ROR1: variants seen among roughly 807,000 people sequenced by gnomAD.
ROR1 encodes the protein ROR family WNT receptor 1.
ROR1 carries 19 observed loss-of-function variants against 78.8 expected under a neutral mutation model. The ratio of observed to expected loss-of-function variants is 0.24; its 90% CI spans 0.17 to 0.35. ROR1 has a LOEUF of 0.35. Ranked by LOEUF, ROR1 falls within the 10% of genes least tolerant of loss-of-function variation. The pLI, the probability that ROR1 is intolerant of heterozygous loss-of-function variation, is 1.00. For synonymous variants in ROR1, 386 were observed against 433.6 expected (o/e 0.89, Z 1.36); for missense variants, 917 against 1,177.8 (o/e 0.78, Z 3.24).
chr1:64,042,541 TC>T (rs1223173744), intron 2 of ROR1, among the ~76,000 whole-genome samples: 1 of 152,146 alleles, frequency 6.6e-6, no homozygotes, highest in Non-Finnish European at 1.5e-5. Flanking sequence ...AGAACTAAGA[TC>T]CAGCAGGTGG....
intron 1 of ROR1, among the ~76,000 whole-genome samples, chr1:63,836,181 A>G (rs1445242706): frequency 6.6e-6 from 1 of 152,200 alleles, no homozygotes; most frequent in Non-Finnish European, 1.5e-5. Context: ...CTTGACATAC[A>G]AAGTCAGGAT....
rs370060105 is a variant in ROR1 at position 63,830,910 on chromosome 1, G to A, written c.91+56402G>A. 1.6e-4 allele frequency among the ~76,000 whole-genome samples: 24 copies of A among 152,292 alleles called. No individual in the cohort carries two copies. The East Asian group carries it at 4.2e-3, about 27-fold the overall frequency. On this transcript the variant is annotated intron_variant, in intron 1 of 8. Coordinates refer to ENST00000371079, the MANE Select transcript of ROR1 (RefSeq NM_005012.4). Reference sequence around the variant, plus strand: ...GGAATTTGGTAAATGTTCCCATTCCGAATAGGAGAAATTGGTCAAAACAAA... The same window carrying A: ...GGAATTTGGTAAATGTTCCCATTCCAAATAGGAGAAATTGGTCAAAACAAA...
At chr1:63,915,861 C>T (rs1645605226) in intron 1 of ROR1, among the ~76,000 whole-genome samples, 1 of 152,068 alleles carries the variant, frequency 6.6e-6, no homozygotes, top group African/African-American at 2.4e-5. Flanking sequence ...ATGGATGCAT[C>T]AGTCCTACCC....
At chr1:64,112,445 A>T (rs1648138180) in intron 4 of ROR1, among the ~76,000 whole-genome samples, 1 of 152,112 alleles carries the variant, frequency 6.6e-6, no homozygotes, top group African/African-American at 2.4e-5. Flanking sequence ...TTCTATCATG[A>T]TTACTAGTGG....
At chr1:63,951,699 C>T (rs72683088) in intron 1 of ROR1, among the ~76,000 whole-genome samples, 8,225 of 152,088 alleles carry the variant, frequency 0.054, 277 homozygotes, top group Middle Eastern at 0.12. Flanking sequence ...TGTAATTTCT[C>T]TTAAAGACAC....
intron 1 of ROR1, among the ~76,000 whole-genome samples, chr1:63,868,123 C>T (rs941019807): frequency 7.3e-5 from 11 of 150,680 alleles, no homozygotes; most frequent in African/African-American, 1.0e-4. Context: ...GAAATACTAG[C>T]GCAGTTTTTG....
At chr1:63,796,750 T>C (rs1223768166) in intron 1 of ROR1, among the ~76,000 whole-genome samples, 1 of 152,046 alleles carries the variant, frequency 6.6e-6, no homozygotes, top group Non-Finnish European at 1.5e-5. Context: ...GACAGTGTGG[T>C]AAGGGCAGCG....
intron 1 of ROR1, among the ~76,000 whole-genome samples, chr1:63,970,992 G>A (rs556419930): frequency 1.3e-5 from 2 of 152,266 alleles, no homozygotes; most frequent in Admixed American, 6.5e-5. Context: ...GGCTAATAAG[G>A]CATTTGCAAT....
At chr1:64,093,717 AC>A (rs1647227384) in intron 4 of ROR1, among the ~76,000 whole-genome samples, 1 of 152,098 alleles carries the variant, frequency 6.6e-6, no homozygotes, top group Admixed American at 6.6e-5. Flanking sequence ...AGATACGGTA[AC>A]TTGCCTAAGA....
intron 1 of ROR1, among the ~76,000 whole-genome samples, chr1:63,938,742 A>G (rs1436122746): frequency 6.6e-6 from 1 of 152,138 alleles, no homozygotes; most frequent in Non-Finnish European, 1.5e-5. Context: ...GTGCCCATAA[A>G]CCTAGCACTT....
chr1:63,863,768 AT>A (rs1645197325), intron 1 of ROR1, among the ~76,000 whole-genome samples: 1 of 150,232 alleles, frequency 6.7e-6, no homozygotes, highest in South Asian at 2.1e-4. Context: ...ATTGTATTGT[AT>A]TGTATTGTAT....
intron 1 of ROR1, among the ~76,000 whole-genome samples, chr1:63,852,703 C>A (rs1338513935): frequency 6.6e-6 from 1 of 152,192 alleles, no homozygotes; most frequent in Non-Finnish European, 1.5e-5. Flanking sequence ...TGAAACAGAT[C>A]ATTTTCACTG....
intron 1 of ROR1, among the ~76,000 whole-genome samples, chr1:63,817,743 C>T (rs1204690401): frequency 1.3e-5 from 2 of 152,076 alleles, no homozygotes; most frequent in Admixed American, 1.3e-4. Flanking sequence ...GGCAGAATTC[C>T]GATTTCTTGT....
intron 2 of ROR1, 141 bp from the exon 3 acceptor site, chr1:64,049,550 T>G (rs1283418614): frequency 8.1e-6 from 6 of 743,264 alleles, no homozygotes; most frequent in South Asian, 1.7e-5. Flanking sequence ...TCAATGTGAT[T>G]GTTTCTTTCC....
intron 4 of ROR1, among the ~76,000 whole-genome samples, chr1:64,103,343 A>C (rs1448445565): frequency 8.8e-6 from 1 of 113,278 alleles, no homozygotes; most frequent in Admixed American, 7.9e-5. Context: ...TCAAATGCAA[A>C]AAAAAAAAAG....
intron 1 of ROR1, among the ~76,000 whole-genome samples, chr1:63,847,177 T>A (rs958780213): frequency 1.1e-4 from 17 of 152,294 alleles, no homozygotes; most frequent in Non-Finnish European, 2.2e-4. Flanking sequence ...TGGGGCTGTA[T>A]GTGCTGGCTC....
chr1:64,143,455 T>C (rs1649388234), intron 7 of ROR1: 3 of 967,134 alleles, frequency 3.1e-6, no homozygotes, highest in Non-Finnish European at 2.5e-6. Context: ...TTCTCATAGA[T>C]ATCATAGATA....
At chr1:63,803,656 T>A (rs1214909495) in intron 1 of ROR1, among the ~76,000 whole-genome samples, 1 of 152,218 alleles carries the variant, frequency 6.6e-6, no homozygotes, top group East Asian at 1.9e-4. Context: ...AAAATATTTT[T>A]AAAAAAGGTT....
At chr1:64,071,352 G>C (rs72685141) in intron 4 of ROR1, among the ~76,000 whole-genome samples, 190 of 152,306 alleles carry the variant, frequency 1.2e-3, no homozygotes, top group African/African-American at 4.2e-3. Context: ...CACTAGTCTA[G>C]ATGTGAAAAT....
Sources: allele counts gnomAD v4.1 joint callset (sites outside exome capture counted in the v4.1 genomes callset), GRCh38; gene constraint gnomAD v4.1.1; transcripts MANE v1.5; gene names NCBI Gene and HGNC (gene_info 2026-07-23, HGNC 2026-07-21).